Variants in QRICH2 observed in about 807,000 individuals in gnomAD.
QRICH2 encodes glutamine rich 2.
A neutral mutation model predicts 168.3 loss-of-function variants in QRICH2; 119 were observed. The ratio of observed to expected loss-of-function variants is 0.71; its 90% CI spans 0.61 to 0.82. The LOEUF (loss-of-function observed/expected upper bound fraction) is 0.82, where lower values mean the gene tolerates loss of function less well. Among genes scored for constraint, QRICH2 ranks in the 40% least tolerant of loss-of-function variants. The pLI, the probability that QRICH2 is intolerant of heterozygous loss-of-function variation, is 0.00. For synonymous variants in QRICH2, 894 were observed against 951.2 expected (o/e 0.94, Z 1.11); for missense variants, 2,241 against 2,491.6 (o/e 0.90, Z 2.14).
At chr17:76,284,675 G>A (rs142487074) in intron 7 of QRICH2, among the ~76,000 whole-genome samples, 2,044 of 151,966 alleles carry the variant, frequency 0.013, 59 homozygotes, top group African/African-American at 0.048. Flanking sequence ...AAAATTAGCC[G>A]GGTGCAGTGG....
intron 5 of QRICH2, among the ~76,000 whole-genome samples, chr17:76,288,511 C>G (rs951564823): frequency 9.3e-5 from 14 of 150,628 alleles, no homozygotes; most frequent in African/African-American, 3.4e-4. Flanking sequence ...TCCAGACAAG[C>G]CTGACCAACA....
intron 15 of QRICH2, among the ~76,000 whole-genome samples, chr17:76,277,763 C>G (rs768900791): frequency 2.0e-5 from 3 of 152,026 alleles, no homozygotes; most frequent in Non-Finnish European, 4.4e-5. Flanking sequence ...CACACGCACT[C>G]ATACACACAC....
At chr17:76,294,744 T>C (rs904133030) in intron 3 of QRICH2, among the ~76,000 whole-genome samples, 10 of 136,500 alleles carry the variant, frequency 7.3e-5, no homozygotes, top group Non-Finnish European at 1.2e-4. Flanking sequence ...ACCCGGGAGG[T>C]GGAGGTTGCA....
Position 76,293,638 on chromosome 17 carries a change from T to C in QRICH2, c.1089A>G (p.Gln363=), listed in dbSNP as rs757740096. The C allele has an allele frequency of 6.2e-7, 1 of 1,614,180 alleles. No homozygotes were observed. The change falls in exon 4 of 19, where the codon CAA becomes CAG. Residue 363 remains glutamine (Q), a synonymous_variant. Coordinates refer to ENST00000680821, the MANE Select transcript of QRICH2 (RefSeq NM_001388453.1). The part of the protein sequence containing the change: ...PRRNARPGPV[Q]QDLPLARDQP... ...GGTCTCTGGCCAAGGGTAAGTCCTG[T>C]TGAACTGGACCAGGACGTGCATTTC...
chr17:76,279,241 G>T, intron 13 of QRICH2, 99 bp from the exon 14 acceptor site: 1 of 1,337,636 alleles, frequency 7.5e-7, no homozygotes, highest in Non-Finnish European at 1.0e-6. Context: ...CCCCCGGCCT[G>T]GAAGGGAGCG....
intron 18 of QRICH2, among the ~76,000 whole-genome samples, 178 bp downstream of exon 18, chr17:76,275,641 C>T (rs2070660625): frequency 6.6e-6 from 1 of 152,230 alleles, no homozygotes; most frequent in Non-Finnish European, 1.5e-5. Flanking sequence ...CTACCCACCT[C>T]CCAGAAGGGG....
rs553701154 is a variant in QRICH2 at position 76,298,440 on chromosome 17, A to G, written c.706-4419T>C. On this transcript the variant is annotated intron_variant, in intron 3 of 18. Coordinates refer to ENST00000680821, the MANE Select transcript of QRICH2 (RefSeq NM_001388453.1). Reference sequence around the variant, plus strand: ...GTGATCCGCCCGCCTCAGCCTCCCAAAGTGCTGGGATTACAGGCATGAGCC... The same window carrying G: ...GTGATCCGCCCGCCTCAGCCTCCCAGAGTGCTGGGATTACAGGCATGAGCC... 7.8e-4 allele frequency among the ~76,000 whole-genome samples: 119 copies of G among 151,930 alleles called. 1 individual carries two copies. Among genetic ancestry groups the G allele is most frequent in the African/African-American group, 2.8e-3 (114 of 41,400 alleles).
Position 76,291,425 on chromosome 17 carries a change from G to A in QRICH2, c.3302C>T (p.Ser1101Phe), listed in dbSNP as rs758147949. The change falls in exon 4 of 19, where the codon TCT becomes TTT. Residue 1101 changes from serine to phenylalanine, a missense_variant. This residue lies in a region of QRICH2 where 2,047 missense variants were observed against 2,303.8 expected (regional missense o/e 0.89). Coordinates refer to ENST00000680821, the MANE Select transcript of QRICH2 (RefSeq NM_001388453.1). ...CATTGAATCATGACTGTCAAAGAGAGAGAAAGCATGGCCATGCTGAGCTGC... is the reference window on the plus strand; with the variant it reads ...CATTGAATCATGACTGTCAAAGAGAAAGAAAGCATGGCCATGCTGAGCTGC... ...PDAAQHGHAF[S>F]LFDSHDSMYP... 2 of 1,614,142 alleles carry A rather than the reference G, an allele frequency of 1.2e-6. No individual in the cohort carries two copies. The highest frequency in any genetic ancestry group is 1.1e-5 in the South Asian group (1 of 91,080).
In QRICH2 at chr17:76,308,234, A is replaced by C. The variant is rs2071021803; in HGVS notation, c.-236T>G. 1.0e-6 allele frequency: 1 copy of C among 985,372 alleles called. No individual in the cohort carries two copies. The highest frequency in any genetic ancestry group is 1.2e-6 in the Non-Finnish European group (1 of 829,904). The allele number at this position is 985,372 out of a possible 1,614,324, so 61.0% of individuals were successfully genotyped here. On this transcript the variant is annotated 5_prime_UTR_variant, in exon 1 of 19. Transcript: ENST00000680821. ...GTCTGTCGCTGGCCTCGGGTCCCCG[A>C]GCTGGAGCCCTGGACTCCCAGTCCC...
Position 76,308,161 on chromosome 17 carries a change from T to C in QRICH2, c.-163A>G, listed in dbSNP as rs1159569504. Reference sequence around the variant, plus strand: ...GGACAGAGCTCCTGCCTCCAGGGAATCTGCGCCTCCGCTCCCCGGCGGGGT... The same window carrying C: ...GGACAGAGCTCCTGCCTCCAGGGAACCTGCGCCTCCGCTCCCCGGCGGGGT... On this transcript the variant is annotated 5_prime_UTR_variant, in exon 1 of 19. Transcript: ENST00000680821. 41 of 985,264 alleles carry C rather than the reference T, an allele frequency of 4.2e-5. No individual in the cohort carries two copies. Among genetic ancestry groups the C allele is most frequent in the Non-Finnish European group, 4.7e-5 (39 of 829,908 alleles). The allele number at this position is 985,264 out of a possible 1,614,324, so 61.0% of individuals were successfully genotyped here.
rs748067581 is a variant in QRICH2, at chr17:76,275,858, G to A, written c.5443C>T (p.Arg1815Trp). Residue 1815 changes from arginine to tryptophan, a missense_variant, in exon 18 of 19, where the codon CGG becomes TGG. Physicochemically the swap from Arg to Trp is moderately radical, Grantham distance 101. Transcript: ENST00000680821. ...GCCGAAATCTGGGCGCTCTGTGGCC[G>A]AGAGGGCAGCTGGCCATTGCTGCTG... Reference protein sequence around the residue: ...SLSSNGQLPSRPQSAQISAGN... With the variant: ...SLSSNGQLPSWPQSAQISAGN... 7 of 1,608,004 alleles carry A rather than the reference G, an allele frequency of 4.4e-6. No homozygotes were observed. The highest frequency in any genetic ancestry group is 2.2e-5 in the South Asian group (2 of 91,074).
rs2071042401 is a variant in QRICH2 at position 76,293,134 on chromosome 17, G to A, written c.1593C>T (p.Asp531=). 6 of 1,614,114 alleles carry A rather than the reference G, an allele frequency of 3.7e-6. No individual in the cohort carries two copies. The highest frequency in any genetic ancestry group is 4.2e-6 in the Non-Finnish European group (5 of 1,180,046). The stretch of plus-strand genomic sequence containing the variant: ...AACCAGGTGATACCAAACCATGCTG[G>A]TCTGTAAAAGGTAGAACCAGGCCAT... The part of the protein sequence containing the change: ...DQHGLVLPFT[D]QHGLVSPGLM... The change falls in exon 4 of 19, where the codon GAC becomes GAT. Residue 531 remains aspartate (D), a synonymous_variant. Coordinates refer to ENST00000680821, the MANE Select transcript of QRICH2 (RefSeq NM_001388453.1).
chr17:76,299,567 T>C (rs2070861315), intron 3 of QRICH2, among the ~76,000 whole-genome samples: 1 of 151,794 alleles, frequency 6.6e-6, no homozygotes, highest in South Asian at 2.1e-4. Flanking sequence ...TGAAACCCTG[T>C]CCCTAGTAAA....
chr17:76,275,786 C>T, intron 18 of QRICH2, 33 bp downstream of exon 18: 1 of 1,598,274 alleles, frequency 6.3e-7, no homozygotes. Flanking sequence ...AGCGGGGAGG[C>T]CTGGCAGGAC....
At chr17:76,297,870 GTTTTTT>G (rs1169251679) in intron 3 of QRICH2, among the ~76,000 whole-genome samples, 19,212 of 78,502 alleles carry the variant, frequency 0.24, 1,699 homozygotes, top group East Asian at 0.43. Flanking sequence ...TTAGGAATCT[GTTTTTT>G]TTTTTTTTTT....
intron 3 of QRICH2, among the ~76,000 whole-genome samples, chr17:76,303,623 C>T (rs1567789928): frequency 6.6e-6 from 1 of 152,070 alleles, no homozygotes; most frequent in Non-Finnish European, 1.5e-5. Context: ...GTAATCCCAG[C>T]ACTTTGGGAG....
At position 76,291,940 on chromosome 17, in the gene QRICH2, ATGTGGATCTGCC is replaced by A. The variant is rs1568117404; in HGVS notation, c.2775_2786del (p.Gln925_Pro928del). 1 of 1,614,210 alleles carries A rather than the reference ATGTGGATCTGCC, an allele frequency of 6.2e-7. No homozygotes were observed. Among genetic ancestry groups the A allele is most frequent in the East Asian group, 2.2e-5 (1 of 44,884 alleles). The stretch of plus-strand genomic sequence containing the variant: ...GATAGGCACCAGGTTGTACCAGGCC[ATGTGGATCTGCC>A]TGAGGTTGCACCATACCTTGCTGAC... On this transcript the variant is annotated inframe_deletion, in exon 4 of 19. Transcript: ENST00000680821.
Position 76,308,165 on chromosome 17 carries a change from CG to C in QRICH2, c.-168del. Reference sequence around the variant, plus strand: ...AGAGCTCCTGCCTCCAGGGAATCTGCGCCTCCGCTCCCCGGCGGGGTCCGCG... The same window carrying C: ...AGAGCTCCTGCCTCCAGGGAATCTGCCCTCCGCTCCCCGGCGGGGTCCGCG... On this transcript the variant is annotated 5_prime_UTR_variant, in exon 1 of 19. Coordinates refer to ENST00000680821, the MANE Select transcript of QRICH2 (RefSeq NM_001388453.1). The C allele has an allele frequency of 1.0e-6, 1 of 985,392 alleles. No individual in the cohort carries two copies. Among genetic ancestry groups the C allele is most frequent in the Non-Finnish European group, 1.2e-6 (1 of 829,902 alleles). 61.0% of individuals were successfully genotyped at this position (985,392 alleles called of 1,614,324 possible).
At chr17:76,274,958 G>GA (rs962103868) in intron 18 of QRICH2, among the ~76,000 whole-genome samples, 6 of 152,168 alleles carry the variant, frequency 3.9e-5, no homozygotes, top group African/African-American at 1.4e-4. Flanking sequence ...GGGGGCCCTG[G>GA]ATGATGCTGA....
Sources: gnomAD v4.1 joint callset for allele counts (sites outside exome capture counted in the v4.1 genomes callset) on GRCh38, gnomAD v4.1.1 for gene constraint, gnomAD v4.1.1 regional missense constraint, MANE v1.5 for transcripts, NCBI Gene and HGNC (gene_info 2026-07-23, HGNC 2026-07-21) for gene names.